The following GNA14 variants were observed in gnomAD, a reference collection of about 807,000 sequenced individuals.
GNA14 encodes G protein subunit alpha 14, also known as guanine nucleotide-binding protein subunit alpha-14.
In GNA14, 50 loss-of-function variants were observed where a neutral mutation model predicts 42.0. That is an observed-to-expected ratio of 1.19 (90% CI 0.95 to 1.51). GNA14 has a LOEUF of 1.51. GNA14 is among the 40% of genes most tolerant of loss of function. The probability of loss-of-function intolerance (pLI) is 0.00; values close to 1 mark genes in which losing one functional copy is unlikely to be tolerated. For missense variants in GNA14, 473 were observed against 446.2 expected (o/e 1.06, Z -0.54); for synonymous variants, 173 against 163.1 (o/e 1.06, Z -0.46).
chr9:77,481,150 A>G (rs1018375073), intron 2 of GNA14, among the ~76,000 whole-genome samples: 6 of 151,724 alleles, frequency 4.0e-5, no homozygotes, highest in African/African-American at 7.3e-5. Flanking sequence ...TAGGGTGTCA[A>G]TTTTGGATCT....
chr9:77,523,879 C>T (rs1433742445), intron 2 of GNA14, among the ~76,000 whole-genome samples: 1 of 152,124 alleles, frequency 6.6e-6, no homozygotes, highest in Admixed American at 6.5e-5. Flanking sequence ...TCTGCAGAAC[C>T]TTTAAGGGGT....
At chr9:77,636,020 T>C (rs992475761) in intron 1 of GNA14, among the ~76,000 whole-genome samples, 1 of 152,242 alleles carries the variant, frequency 6.6e-6, no homozygotes, top group Non-Finnish European at 1.5e-5. Context: ...CTATAAAGGT[T>C]TCTAAACACA....
At chr9:77,542,667 T>G (rs1261871663) in intron 1 of GNA14, among the ~76,000 whole-genome samples, 3 of 152,162 alleles carry the variant, frequency 2.0e-5, no homozygotes, top group African/African-American at 7.2e-5. Flanking sequence ...TTGTTCCTGG[T>G]GTCTGCAAAA....
At chr9:77,445,347 TG>T (rs1835798136) in intron 2 of GNA14, among the ~76,000 whole-genome samples, 1 of 151,860 alleles carries the variant, frequency 6.6e-6, no homozygotes. Flanking sequence ...AAACAGCATC[TG>T]GTAGCCCAAC....
chr9:77,439,428 T>G (rs1835690213), intron 2 of GNA14, among the ~76,000 whole-genome samples: 1 of 152,152 alleles, frequency 6.6e-6, no homozygotes, highest in Non-Finnish European at 1.5e-5. Flanking sequence ...CGCTTGAGCC[T>G]AGGAATTCAA....
At chr9:77,575,979 A>G (rs114328873) in intron 1 of GNA14, among the ~76,000 whole-genome samples, 2,762 of 152,336 alleles carry the variant, frequency 0.018, 98 homozygotes, top group African/African-American at 0.063. Flanking sequence ...TAGAAGCTGC[A>G]CCGCTGGTGC....
Position 77,647,915 on chromosome 9 carries a change from G to A in GNA14, c.-122C>T, listed in dbSNP as rs977054700. On this transcript the variant is annotated 5_prime_UTR_variant, in exon 1 of 7. Transcript: ENST00000341700. ...GGTGTGGAAAGAAAAGACGGGGGCC[G>A]ACTTGAGCTTTGGAGTAAGACGCCT... 8.3e-6 allele frequency: 10 copies of A among 1,199,588 alleles called. No homozygotes were observed. The highest frequency in any genetic ancestry group is 2.6e-5 in the Admixed American group (1 of 38,140). 74.3% of individuals were successfully genotyped at this position (1,199,588 alleles called of 1,614,324 possible).
chr9:77,592,015 T>C (rs544046114), intron 1 of GNA14, among the ~76,000 whole-genome samples: 2 of 151,382 alleles, frequency 1.3e-5, no homozygotes, highest in South Asian at 2.1e-4. Context: ...CCCGGGTTCA[T>C]GCCATTCTCC....
At chr9:77,591,118 C>T (rs969894544) in intron 1 of GNA14, among the ~76,000 whole-genome samples, 2 of 152,192 alleles carry the variant, frequency 1.3e-5, no homozygotes, top group African/African-American at 2.4e-5. Flanking sequence ...AGACAGTGCA[C>T]TGAAATACTG....
intron 1 of GNA14, chr9:77,580,626 T>C (rs1823205748): frequency 7.2e-6 from 3 of 417,566 alleles, no homozygotes; most frequent in South Asian, 2.6e-5. Flanking sequence ...TCACTTCGGC[T>C]GACCTCCTCT....
chr9:77,464,943 G>C (rs1008556546), intron 2 of GNA14, among the ~76,000 whole-genome samples: 3 of 152,136 alleles, frequency 2.0e-5, no homozygotes, highest in Non-Finnish European at 4.4e-5. Context: ...ACAGAGGGAA[G>C]ATGGAGGCAG....
intron 1 of GNA14, among the ~76,000 whole-genome samples, chr9:77,623,868 CAGG>C (rs1218252954): frequency 1.3e-5 from 2 of 152,172 alleles, no homozygotes; most frequent in Non-Finnish European, 2.9e-5. Flanking sequence ...GAGCTAAATG[CAGG>C]AGTTTTTTTC....
At chr9:77,479,639 G>A (rs573788746) in intron 2 of GNA14, among the ~76,000 whole-genome samples, 4 of 152,128 alleles carry the variant, frequency 2.6e-5, no homozygotes, top group African/African-American at 4.8e-5. Context: ...ACGACCTTGG[G>A]CAGTATGGCC....
intron 2 of GNA14, among the ~76,000 whole-genome samples, chr9:77,452,644 T>G (rs75107728): frequency 0.011 from 12 of 1,100 alleles, no homozygotes; most frequent in African/African-American, 0.017. Context: ...GTGTGTGTGT[T>G]TGTGTTTGTG....
chr9:77,470,437 C>A (rs551748727), intron 2 of GNA14, among the ~76,000 whole-genome samples: 1 of 152,306 alleles, frequency 6.6e-6, no homozygotes, highest in Admixed American at 6.5e-5. Flanking sequence ...CAATGTGAAC[C>A]ATGGTGACGG....
chr9:77,602,647 G>T (rs1823585526), intron 1 of GNA14, among the ~76,000 whole-genome samples: 1 of 151,768 alleles, frequency 6.6e-6, no homozygotes, highest in Non-Finnish European at 1.5e-5. Flanking sequence ...AAGCAACCTT[G>T]TTCCTCATGG....
chr9:77,487,482 C>G lies in GNA14; in HGVS notation c.309+41587G>C, dbSNP rs1836681062. 5.2e-5 allele frequency among the ~76,000 whole-genome samples: 7 copies of G among 135,072 alleles called. No homozygotes were observed. In the South Asian group the frequency reaches 1.8e-3, roughly 34 times the overall value. The allele number at this position is 135,072 out of a possible 152,430, so 88.6% of individuals were successfully genotyped here. On this transcript the variant is annotated intron_variant, in intron 2 of 6. Transcript: ENST00000341700. ...CTTCCTTATCTATAAAATAGGAATGCTATCTTATGGTATTTTTGTAATTGC... is the reference window on the plus strand; with the variant it reads ...CTTCCTTATCTATAAAATAGGAATGGTATCTTATGGTATTTTTGTAATTGC...
intron 2 of GNA14, among the ~76,000 whole-genome samples, chr9:77,482,356 TTTTC>T (rs1475239198): frequency 2.0e-5 from 3 of 152,240 alleles, no homozygotes; most frequent in Admixed American, 6.5e-5. Flanking sequence ...TTGAAAATTC[TTTTC>T]TTTAAGAATG....
chr9:77,629,117 CAT>C (rs1167711136), intron 1 of GNA14, among the ~76,000 whole-genome samples: 5 of 152,062 alleles, frequency 3.3e-5, no homozygotes, highest in African/African-American at 7.2e-5. Context: ...GGCCAACAAA[CAT>C]GTGAAAAAAA....
Sources: gnomAD v4.1 joint callset for allele counts (sites outside exome capture counted in the v4.1 genomes callset) on GRCh38, gnomAD v4.1.1 for gene constraint, MANE v1.5 for transcripts, NCBI Gene and HGNC (gene_info 2026-07-23, HGNC 2026-07-21) for gene names.